The following RAD51B variants were observed in gnomAD, a reference collection of about 807,000 sequenced individuals.
The protein encoded by RAD51B is DNA repair protein RAD51 homolog 2.
RAD51B carries 38 observed loss-of-function variants against 42.2 expected under a neutral mutation model. That is an observed-to-expected ratio of 0.90 (90% confidence interval 0.70 to 1.18). The LOEUF (loss-of-function observed/expected upper bound fraction) is 1.18, where lower values mean the gene tolerates loss of function less well. Ranked by LOEUF, RAD51B falls within the 50% of genes most tolerant of loss-of-function variation. The probability of loss-of-function intolerance (pLI) is 0.00; values close to 1 mark genes in which losing one functional copy is unlikely to be tolerated. For missense variants in RAD51B, 373 were observed against 400.7 expected, an observed-to-expected ratio of 0.93 and a Z score of 0.59; for synonymous variants, 154 against 145.2, an observed-to-expected ratio of 1.06 and a Z score of -0.43.
At chr14:68,458,717 AT>A (rs1331091791) in intron 9 of RAD51B, among the ~76,000 whole-genome samples, 2 of 150,574 alleles carry the variant, frequency 1.3e-5, no homozygotes, top group African/African-American at 4.9e-5. Context: ...TTTATATTAT[AT>A]TTTTTAGGGA....
intron 10 of RAD51B, among the ~76,000 whole-genome samples, chr14:68,528,867 T>C (rs1262636713): frequency 6.6e-6 from 1 of 152,240 alleles, no homozygotes; most frequent in Admixed American, 6.5e-5. Flanking sequence ...CATTTCTAGC[T>C]GAAGAATAAG....
chr14:67,827,860 G>T (rs11621682), intron 3 of RAD51B, among the ~76,000 whole-genome samples: 2 of 152,126 alleles, frequency 1.3e-5, no homozygotes, highest in African/African-American at 4.8e-5. Context: ...TTGTGTATAC[G>T]TACCACATTT....
chr14:67,848,215 C>T (rs1472860588), intron 4 of RAD51B, among the ~76,000 whole-genome samples: 1 of 152,170 alleles, frequency 6.6e-6, no homozygotes, highest in Admixed American at 6.5e-5. Context: ...GATGGGGTTT[C>T]ACCATGTCGG....
intron 7 of RAD51B, among the ~76,000 whole-genome samples, chr14:68,254,069 G>A (rs1378648438): frequency 1.3e-5 from 2 of 152,136 alleles, no homozygotes; most frequent in African/African-American, 4.8e-5. Context: ...CAGTATATTA[G>A]TGCCTCTTTA....
chr14:68,540,052 C>T lies in RAD51B; in HGVS notation c.1037-54433C>T, dbSNP rs28672071. 3.0e-3 allele frequency: 1,234 copies of T among 408,816 alleles called. 11 individuals are homozygous for T. Among genetic ancestry groups the T allele is most frequent in the African/African-American group, 0.025 (1,158 of 47,044 alleles). The allele number at this position is 408,816 out of a possible 1,614,324, so 25.3% of individuals were successfully genotyped here. A position where few individuals can be genotyped will look rare whatever the true frequency, so the allele number is the denominator to read the frequency against. ...AAGAGCATTTCTGTGCTGGCATCCACGGTGAGCAGCTGTACCAAAGCAATA... is the reference window on the plus strand; with the variant it reads ...AAGAGCATTTCTGTGCTGGCATCCATGGTGAGCAGCTGTACCAAAGCAATA... On this transcript the variant is annotated intron_variant, in intron 10 of 10. Coordinates refer to the RAD51B transcript ENST00000487270.
At chr14:68,621,873 G>C (rs1376060053) in intron 10 of RAD51B, among the ~76,000 whole-genome samples, 2 of 152,186 alleles carry the variant, frequency 1.3e-5, no homozygotes, top group African/African-American at 2.4e-5. Flanking sequence ...GAGTGTAATT[G>C]AACCCAGAGC....
intron 7 of RAD51B, among the ~76,000 whole-genome samples, chr14:68,004,700 C>T (rs1314842391): frequency 2.6e-5 from 4 of 152,004 alleles, no homozygotes; most frequent in Admixed American, 2.0e-4. Flanking sequence ...AACCAGAATC[C>T]AGATGAAGAA....
chr14:68,233,391 A>G (rs772715480), intron 7 of RAD51B, among the ~76,000 whole-genome samples: 5 of 152,194 alleles, frequency 3.3e-5, no homozygotes, highest in Non-Finnish European at 7.3e-5. Flanking sequence ...AATACACTTT[A>G]TCATGAAGCT....
At chr14:68,364,500 G>A (rs1311872412) in intron 8 of RAD51B, among the ~76,000 whole-genome samples, 1 of 152,108 alleles carries the variant, frequency 6.6e-6, no homozygotes, top group East Asian at 1.9e-4. Context: ...CGCCGGGCGC[G>A]GTGGAGGGCT....
chr14:67,832,584 A>G (rs1481062790), intron 3 of RAD51B, among the ~76,000 whole-genome samples: 1 of 152,120 alleles, frequency 6.6e-6, no homozygotes, highest in Admixed American at 6.6e-5. Flanking sequence ...TTTTTTTACC[A>G]TTTGCGAAAT....
At chr14:68,186,676 C>T (rs1225680048) in intron 7 of RAD51B, among the ~76,000 whole-genome samples, 3 of 152,150 alleles carry the variant, frequency 2.0e-5, no homozygotes, top group Non-Finnish European at 4.4e-5. Flanking sequence ...TACCATCTTA[C>T]ACCAGTCAGA....
chr14:68,130,619 C>T (rs2077867901), intron 7 of RAD51B, among the ~76,000 whole-genome samples: 1 of 152,168 alleles, frequency 6.6e-6, no homozygotes, highest in Non-Finnish European at 1.5e-5. Context: ...TTTCTTTAGC[C>T]AATCTCCTCT....
chr14:68,531,384 C>T (rs190240017), intron 10 of RAD51B, among the ~76,000 whole-genome samples: 374 of 152,076 alleles, frequency 2.5e-3, no homozygotes, highest in Middle Eastern at 3.4e-3. Flanking sequence ...CCCACTTAGG[C>T]CAAACCACAC....
intron 8 of RAD51B, among the ~76,000 whole-genome samples, chr14:68,302,119 G>A (rs1290993789): frequency 6.6e-6 from 1 of 152,154 alleles, no homozygotes; most frequent in Admixed American, 6.5e-5. Flanking sequence ...TTCACACAAG[G>A]GTGGTGACTG....
intron 10 of RAD51B, among the ~76,000 whole-genome samples, chr14:68,647,316 T>C (rs1892582354): frequency 6.6e-6 from 1 of 152,226 alleles, no homozygotes; most frequent in Non-Finnish European, 1.5e-5. Flanking sequence ...AACTATGTAA[T>C]AAAAGTGATA....
intron 7 of RAD51B, among the ~76,000 whole-genome samples, chr14:68,170,854 C>T (rs1014146330): frequency 6.6e-6 from 1 of 152,070 alleles, no homozygotes; most frequent in African/African-American, 2.4e-5. Flanking sequence ...ACTTTTTATT[C>T]TCATTTCTGA....
chr14:68,567,077 A>T (rs1889459509), intron 10 of RAD51B, among the ~76,000 whole-genome samples: 1 of 152,176 alleles, frequency 6.6e-6, no homozygotes, highest in Non-Finnish European at 1.5e-5. Context: ...AGGCGGGTGG[A>T]TCACGAGGTC....
At chr14:68,477,182 C>G (rs958467502) in intron 10 of RAD51B, among the ~76,000 whole-genome samples, 1 of 152,228 alleles carries the variant, frequency 6.6e-6, no homozygotes. Context: ...AAGTCTCCCC[C>G]ACAGGGCTGC....
intron 10 of RAD51B, among the ~76,000 whole-genome samples, chr14:68,533,836 T>C (rs569256261): frequency 6.6e-6 from 1 of 152,362 alleles, no homozygotes; most frequent in Non-Finnish European, 1.5e-5. Flanking sequence ...TCCATTAATC[T>C]TAAATTGCTT....
Sources: allele counts gnomAD v4.1 joint callset (sites outside exome capture counted in the v4.1 genomes callset), GRCh38; gene constraint gnomAD v4.1.1; transcripts MANE v1.5; gene names NCBI Gene and HGNC (gene_info 2026-07-23, HGNC 2026-07-21).